The following TM2D1 variants were observed in gnomAD, a reference collection of about 807,000 sequenced individuals.
TM2D1 encodes the protein TM2 domain containing 1, also known as TM2 domain-containing protein 1.
TM2D1 carries 15 observed loss-of-function variants against 28.4 expected under a neutral mutation model. The ratio of observed to expected loss-of-function variants is 0.53; its 90% CI spans 0.35 to 0.81. The LOEUF is 0.81. Ranked by LOEUF, TM2D1 falls within the 40% of genes least tolerant of loss-of-function variation. The pLI is 0.01. For missense variants in TM2D1, 236 were observed against 254.9 expected, an observed-to-expected ratio of 0.93 and a Z score of 0.50; for synonymous variants, 93 against 96.2, an observed-to-expected ratio of 0.97 and a Z score of 0.20.
At chr1:61,718,999 A>C (rs956198268) in intron 2 of TM2D1, among the ~76,000 whole-genome samples, 1 of 152,240 alleles carries the variant, frequency 6.6e-6, no homozygotes, top group Non-Finnish European at 1.5e-5. Context: ...TAATAAATTA[A>C]ATTTACTAAA....
At chr1:61,686,494 A>G (rs1220399170) in intron 5 of TM2D1, among the ~76,000 whole-genome samples, 2 of 141,768 alleles carry the variant, frequency 1.4e-5, no homozygotes, top group Admixed American at 1.4e-4. Flanking sequence ...CAGTATCTAC[A>G]AAAAAAAAAA....
intron 5 of TM2D1, among the ~76,000 whole-genome samples, chr1:61,684,369 A>G (rs1151754): frequency 1 from 151,874 of 152,262 alleles, 75,744 homozygotes; most frequent in Middle Eastern, 1. Context: ...GAAGCATCCT[A>G]CCAGTTTCCC....
chr1:61,724,867 T>G (rs1644593596), intron 1 of TM2D1, 90 bp downstream of exon 1: 1 of 1,363,078 alleles, frequency 7.3e-7, no homozygotes, highest in African/African-American at 1.5e-5. Context: ...TTTCACTCAG[T>G]ACAGCCCTAG....
intron 5 of TM2D1, among the ~76,000 whole-genome samples, chr1:61,691,142 T>C (rs569577037): frequency 5.8e-4 from 88 of 152,302 alleles, no homozygotes; most frequent in Middle Eastern, 3.4e-3. Flanking sequence ...CTCCACTTAA[T>C]ATAAGAGACT....
intron 4 of TM2D1, chr1:61,699,068 C>CTCATCCTGTGCCT (rs1174892418): frequency 4.6e-5 from 7 of 152,080 alleles, no homozygotes; most frequent in Non-Finnish European, 1.0e-4. Context: ...ATTGGCCAGG[C>CTCATCCTGTGCCT]ACTGTGGCTC....
At chr1:61,704,588 C>T (rs1020342863) in intron 3 of TM2D1, among the ~76,000 whole-genome samples, 1 of 151,962 alleles carries the variant, frequency 6.6e-6, no homozygotes, top group African/African-American at 2.4e-5. Context: ...CCCACCACCA[C>T]TCCCGGCTAA....
intron 3 of TM2D1, among the ~76,000 whole-genome samples, chr1:61,707,762 TAA>T (rs1407034101): frequency 6.6e-6 from 1 of 152,222 alleles, no homozygotes; most frequent in East Asian, 1.9e-4. Flanking sequence ...GAAAGAACGC[TAA>T]GAGTTCTTGC....
At chr1:61,718,395 T>C (rs1048592320) in intron 2 of TM2D1, among the ~76,000 whole-genome samples, 4 of 152,012 alleles carry the variant, frequency 2.6e-5, no homozygotes, top group Non-Finnish European at 4.4e-5. Context: ...GTTTGGAAAA[T>C]AATCATTTTG....
At chr1:61,708,857 T>TA (rs200516516) in intron 3 of TM2D1, among the ~76,000 whole-genome samples, 3,226 of 135,250 alleles carry the variant, frequency 0.024, 114 homozygotes, top group African/African-American at 0.076. Flanking sequence ...ATTGCATTTA[T>TA]AAAAAAAAAA....
rs527688417 is a variant in TM2D1, at chr1:61,702,165, G to A, written c.348-1140C>T. Among the ~76,000 whole-genome samples, 4 of 151,922 alleles carry A rather than the reference G, an allele frequency of 2.6e-5. No homozygotes were observed. The South Asian group carries it at 8.3e-4, about 32-fold the overall frequency. ...AGATTGCACCACTGCACTCCAGCCT[G>A]GGTGACAGAGTGAGACTCTGTCTCA... On this transcript the variant is annotated intron_variant, in intron 3 of 6. Coordinates refer to ENST00000606498, the MANE Select transcript of TM2D1 (RefSeq NM_032027.3).
At chr1:61,706,645 C>T (rs1644443153) in intron 3 of TM2D1, among the ~76,000 whole-genome samples, 2 of 151,798 alleles carry the variant, frequency 1.3e-5, no homozygotes, top group African/African-American at 4.8e-5. Flanking sequence ...CCCGTCTCTA[C>T]TAAGAATACA....
chr1:61,683,582 C>A, intron 5 of TM2D1, 36 bp from the exon 6 acceptor site: 1 of 1,022,608 alleles, frequency 9.8e-7, no homozygotes, highest in Non-Finnish European at 1.4e-6. Context: ...ATTCATTTTA[C>A]AAAAGATATT....
intron 2 of TM2D1, among the ~76,000 whole-genome samples, chr1:61,720,010 G>A (rs1270110225): frequency 6.6e-6 from 1 of 152,162 alleles, no homozygotes; most frequent in Non-Finnish European, 1.5e-5. Flanking sequence ...TTCTTGATCT[G>A]GAAGCATTCA....
rs2148028232 is a variant in TM2D1 at position 61,681,180 on chromosome 1, G to C, written c.*190C>G. The C allele has an allele frequency of 6.5e-6, 1 of 153,384 alleles. No individual in the cohort carries two copies. Among genetic ancestry groups the C allele is most frequent in the Non-Finnish European group, 1.5e-5 (1 of 68,020 alleles). The allele number at this position is 153,384 out of a possible 1,614,324, so 9.5% of individuals were successfully genotyped here. On this transcript the variant is annotated 3_prime_UTR_variant, in exon 7 of 7. Coordinates refer to ENST00000606498, the MANE Select transcript of TM2D1 (RefSeq NM_032027.3). ...GAAGCCCGAGAAACACTATTATACA[G>C]CTTTCAAAGGAAGTCCTATTAAATA...
At position 61,696,478 on chromosome 1, in the gene TM2D1, G is replaced by A. The variant is rs141867874; in HGVS notation, c.440-1708C>T. Among the ~76,000 whole-genome samples the A allele has an allele frequency of 8.0e-3, 1,204 of 151,362 alleles. 15 individuals carry two copies. Among genetic ancestry groups the A allele is most frequent in the African/African-American group, 0.028 (1,157 of 41,214 alleles). ...CACTTGAACCTGGGAGACGGAGGTT[G>A]CAGTGAGCTGAGACTGTGCCACTGG... is the stretch of plus-strand genomic sequence containing the variant. On this transcript the variant is annotated intron_variant, in intron 4 of 6. Transcript: ENST00000606498.
chr1:61,692,995 C>T (rs569462628), intron 5 of TM2D1, among the ~76,000 whole-genome samples: 3 of 152,282 alleles, frequency 2.0e-5, no homozygotes, highest in Admixed American at 2.0e-4. Flanking sequence ...GTAATAATAG[C>T]CCTTTGGAAG....
At position 61,690,453 on chromosome 1, in the gene TM2D1, T is replaced by C. The variant is rs576103029; in HGVS notation, c.513+4244A>G. Reference sequence around the variant, plus strand: ...GCCTGAGCAATAGGGCAAGACTCAGTCTCAAAAAAAAAAAAAAAAAAAAAA... The same window carrying C: ...GCCTGAGCAATAGGGCAAGACTCAGCCTCAAAAAAAAAAAAAAAAAAAAAA... On this transcript the variant is annotated intron_variant, in intron 5 of 6. Transcript: ENST00000606498. Among the ~76,000 whole-genome samples the C allele has an allele frequency of 3.3e-4, 15 of 45,338 alleles. No individual in the cohort carries two copies. In the East Asian group the frequency reaches 6.1e-3, roughly 19 times the overall value. The allele number at this position is 45,338 out of a possible 152,430, so 29.7% of individuals were successfully genotyped here. A position where few individuals can be genotyped will look rare whatever the true frequency, so the allele number is the denominator to read the frequency against.
At chr1:61,692,542 G>GA (rs1017150894) in intron 5 of TM2D1, among the ~76,000 whole-genome samples, 12 of 150,532 alleles carry the variant, frequency 8.0e-5, no homozygotes, top group East Asian at 2.0e-4. Flanking sequence ...AGAAAGAAAA[G>GA]AAAAAAAAGA....
chr1:61,692,517 AAG>A (rs2148039623), intron 5 of TM2D1, among the ~76,000 whole-genome samples: 1 of 152,134 alleles, frequency 6.6e-6, no homozygotes, highest in South Asian at 2.1e-4. Flanking sequence ...AGAGAAAAGA[AAG>A]AAGGAAAGAA....
Sources: gnomAD v4.1 joint callset for allele counts (sites outside exome capture counted in the v4.1 genomes callset) on GRCh38, gnomAD v4.1.1 for gene constraint, MANE v1.5 for transcripts, NCBI Gene and HGNC (gene_info 2026-07-23, HGNC 2026-07-21) for gene names.